Variants in CDH23 observed in about 807,000 individuals in gnomAD.
CDH23 encodes cadherin-23.
CDH23 carries 189 observed loss-of-function variants against 317.1 expected under a neutral mutation model. That is an observed-to-expected ratio of 0.60 (90% CI 0.53 to 0.67). The LOEUF (loss-of-function observed/expected upper bound fraction) is 0.67, where lower values mean the gene tolerates loss of function less well. Ranked by LOEUF, CDH23 falls within the 30% of genes least tolerant of loss-of-function variation. The probability of loss-of-function intolerance (pLI) is 0.00; values close to 1 mark genes in which losing one functional copy is unlikely to be tolerated. For synonymous variants in CDH23, 1,839 were observed against 1,876.8 expected (o/e 0.98, Z 0.52); for missense variants, 4,401 against 4,592.4 (o/e 0.96, Z 1.20).
At position 71,479,010 on chromosome 10, in the gene CDH23, A is replaced by G. The variant is rs556052817; in HGVS notation, c.146-31072A>G. Among the ~76,000 whole-genome samples, 26 of 152,278 alleles carry G rather than the reference A, an allele frequency of 1.7e-4. No homozygotes were observed. The South Asian group carries it at 4.3e-3, about 25-fold the overall frequency. On this transcript the variant is annotated intron_variant, in intron 3 of 69. Coordinates refer to ENST00000224721, the MANE Select transcript of CDH23 (RefSeq NM_022124.6). Reference sequence around the variant, plus strand: ...GGGTTGAGAGAGGAAGGGAGTGGCCATTTACCGAGTGTCCACTTCAAGGAG... The same window carrying G: ...GGGTTGAGAGAGGAAGGGAGTGGCCGTTTACCGAGTGTCCACTTCAAGGAG...
At chr10:71,525,954 C>T (rs1855017553) in intron 6 of CDH23, among the ~76,000 whole-genome samples, 2 of 152,244 alleles carry the variant, frequency 1.3e-5, no homozygotes, top group Admixed American at 1.3e-4. Flanking sequence ...CAAGCCCATG[C>T]TTGGTGCTGG....
At chr10:71,611,047 T>C (rs889037618) in intron 9 of CDH23, among the ~76,000 whole-genome samples, 1 of 151,294 alleles carries the variant, frequency 6.6e-6, no homozygotes, top group Non-Finnish European at 1.5e-5. Context: ...GATGAAAGGC[T>C]TCCCTGGTGA....
intron 24 of CDH23, among the ~76,000 whole-genome samples, chr10:71,703,073 G>A (rs978549952): frequency 3.3e-5 from 5 of 152,124 alleles, no homozygotes; most frequent in South Asian, 4.1e-4. Context: ...CATAAGCCCC[G>A]GATCAGCTCC....
intron 3 of CDH23, among the ~76,000 whole-genome samples, chr10:71,469,697 C>A (rs1276434250): frequency 2.0e-5 from 3 of 152,148 alleles, no homozygotes; most frequent in African/African-American, 7.2e-5. Context: ...CCTGTACCTC[C>A]TGGGTTCAAG....
At chr10:71,649,993 C>T (rs117312694) in intron 14 of CDH23, among the ~76,000 whole-genome samples, 2,481 of 152,296 alleles carry the variant, frequency 0.016, 61 homozygotes, top group East Asian at 0.075. Flanking sequence ...CACGAGGCCA[C>T]CCATCCAGAA....
At chr10:71,492,762 G>A (rs1477302334) in intron 3 of CDH23, among the ~76,000 whole-genome samples, 1 of 152,244 alleles carries the variant, frequency 6.6e-6, no homozygotes, top group Non-Finnish European at 1.5e-5. Context: ...ACAGTCACGT[G>A]AGAGATGTTG....
At chr10:71,623,799 C>T (rs1174680627) in intron 11 of CDH23, among the ~76,000 whole-genome samples, 1 of 152,186 alleles carries the variant, frequency 6.6e-6, no homozygotes, top group Non-Finnish European at 1.5e-5. Flanking sequence ...GAGTTGGCCC[C>T]TTCAGCCTTT....
At position 71,413,080 on chromosome 10, in the gene CDH23, G is replaced by A. The variant is rs144942757; in HGVS notation, c.-6+15762G>A. ...TAAATCCAATATCGTGGTTTCCCCTGTGTTTTCATCTAAGAAGTTTATAGT... is the reference window on the plus strand; with the variant it reads ...TAAATCCAATATCGTGGTTTCCCCTATGTTTTCATCTAAGAAGTTTATAGT... On this transcript the variant is annotated intron_variant, in intron 1 of 69. Coordinates refer to ENST00000224721, the MANE Select transcript of CDH23 (RefSeq NM_022124.6). Among the ~76,000 whole-genome samples the A allele has an allele frequency of 2.5e-3, 386 of 152,222 alleles. 2 individuals are homozygous for A. The highest frequency in any genetic ancestry group is 7.5e-4 in the Non-Finnish European group (51 of 68,012).
At chr10:71,724,156 G>T (rs1331203474) in intron 29 of CDH23, 51 bp downstream of exon 29, 24 of 1,539,814 alleles carry the variant, frequency 1.6e-5, no homozygotes, top group Non-Finnish European at 1.2e-5. Context: ...CCAGGGGAGG[G>T]CAGAGCTTCT....
intron 47 of CDH23, among the ~76,000 whole-genome samples, chr10:71,792,820 TAAAAAAAAAAAAAAAAA>T (rs1158593304): frequency 1.5e-4 from 7 of 47,912 alleles, no homozygotes; most frequent in African/African-American, 5.0e-4. Context: ...AGACTCCATC[TAAAAAAAAAAAAAAAAA>T]AAAAAAAAAA....
At chr10:71,663,649 G>A (rs1240416090) in intron 14 of CDH23, among the ~76,000 whole-genome samples, 1 of 152,204 alleles carries the variant, frequency 6.6e-6, no homozygotes, top group Non-Finnish European at 1.5e-5. Context: ...TAAAATGAAA[G>A]TAGTATTAGT....
intron 11 of CDH23, among the ~76,000 whole-genome samples, chr10:71,625,246 C>T (rs1443950069): frequency 6.6e-6 from 1 of 151,480 alleles, no homozygotes; most frequent in Non-Finnish European, 1.5e-5. Flanking sequence ...GCGGAGGGGC[C>T]TGCACTGCAG....
intron 60 of CDH23, among the ~76,000 whole-genome samples, chr10:71,808,532 CTT>C (rs1564805839): frequency 6.6e-6 from 1 of 152,224 alleles, no homozygotes; most frequent in Non-Finnish European, 1.5e-5. Flanking sequence ...AAAGCTCACA[CTT>C]ATATCTATGG....
intron 38 of CDH23, among the ~76,000 whole-genome samples, chr10:71,765,064 G>A (rs924287564): frequency 2.5e-4 from 38 of 152,330 alleles, no homozygotes; most frequent in African/African-American, 7.2e-4. Flanking sequence ...AAACAGAAGT[G>A]AGGAGGACCT....
At chr10:71,758,051 G>T (rs138754916) in intron 38 of CDH23, among the ~76,000 whole-genome samples, 40 of 152,246 alleles carry the variant, frequency 2.6e-4, no homozygotes, top group African/African-American at 8.9e-4. Flanking sequence ...GCTGGCACTG[G>T]GGCTGGGCAT....
chr10:71,668,683 A>C (rs767609510), intron 14 of CDH23, among the ~76,000 whole-genome samples: 1 of 152,196 alleles, frequency 6.6e-6, no homozygotes, highest in South Asian at 2.1e-4. Context: ...TAAGTGCTCA[A>C]AACGAAATGT....
intron 7 of CDH23, 50 bp downstream of exon 7, chr10:71,566,986 C>T: frequency 6.4e-7 from 1 of 1,556,928 alleles, no homozygotes; most frequent in Non-Finnish European, 8.8e-7. Flanking sequence ...TCTTCCCACC[C>T]TGGAAGAGAG....
chr10:71,525,165 C>G (rs979369303), intron 6 of CDH23, among the ~76,000 whole-genome samples: 1 of 152,234 alleles, frequency 6.6e-6, no homozygotes, highest in Non-Finnish European at 1.5e-5. Context: ...CCTCGGCCCC[C>G]CAAAGTGCTG....
chr10:71,536,250 T>A (rs943605944), intron 6 of CDH23, among the ~76,000 whole-genome samples: 8 of 152,144 alleles, frequency 5.3e-5, no homozygotes, highest in African/African-American at 1.9e-4. Context: ...CCCTGAACGG[T>A]ATGGCTTGAT....
Sources: gnomAD v4.1 joint callset for allele counts (sites outside exome capture counted in the v4.1 genomes callset) on GRCh38, gnomAD v4.1.1 for gene constraint, MANE v1.5 for transcripts, NCBI Gene and HGNC (gene_info 2026-07-23, HGNC 2026-07-21) for gene names.